Variants in CNTNAP2 observed in about 807,000 individuals in gnomAD.
The protein encoded by CNTNAP2 is contactin associated protein 2.
CNTNAP2 carries 98 observed loss-of-function variants against 155.2 expected under a neutral mutation model. The ratio of observed to expected loss-of-function variants is 0.63; its 90% CI spans 0.54 to 0.75. The LOEUF is 0.75. Ranked by LOEUF, CNTNAP2 falls within the 30% of genes least tolerant of loss-of-function variation. The pLI, the probability that CNTNAP2 is intolerant of heterozygous loss-of-function variation, is 0.00. For synonymous variants in CNTNAP2, 651 were observed against 631.2 expected (o/e 1.03, Z -0.47); for missense variants, 1,727 against 1,688.1 (o/e 1.02, Z -0.40).
intron 3 of CNTNAP2, among the ~76,000 whole-genome samples, chr7:147,019,144 T>C (rs904361897): frequency 6.6e-6 from 1 of 152,080 alleles, no homozygotes; most frequent in African/African-American, 2.4e-5. Flanking sequence ...TGTTGTCCAA[T>C]TGGAAATTCA....
chr7:146,888,764 A>G (rs1303812369), intron 3 of CNTNAP2, among the ~76,000 whole-genome samples: 1 of 152,154 alleles, frequency 6.6e-6, no homozygotes, highest in Non-Finnish European at 1.5e-5. Flanking sequence ...GACAAACACT[A>G]TATGATGTTA....
At chr7:148,109,052 A>G (rs138230665) in intron 15 of CNTNAP2, among the ~76,000 whole-genome samples, 1 of 152,218 alleles carries the variant, frequency 6.6e-6, no homozygotes, top group African/African-American at 2.4e-5. Context: ...CTTACTGTTC[A>G]CACATTGAAG....
chr7:147,347,484 ATATATATGCATATATATG>A (rs1344972679), intron 9 of CNTNAP2, among the ~76,000 whole-genome samples: 1 of 73,142 alleles, frequency 1.4e-5, no homozygotes, highest in Non-Finnish European at 3.5e-5. Flanking sequence ...ATGCATATAT[ATATATATGCATATATATG>A]TGTGTGTGTG....
chr7:148,162,841 AT>A (rs202106603), intron 17 of CNTNAP2, among the ~76,000 whole-genome samples: 11,893 of 151,916 alleles, frequency 0.078, 540 homozygotes, highest in East Asian at 0.23. Context: ...ACAAAAAAAA[AT>A]TTTTTTAATT....
At chr7:147,607,102 C>G (rs1047888148) in intron 12 of CNTNAP2, among the ~76,000 whole-genome samples, 2 of 152,136 alleles carry the variant, frequency 1.3e-5, no homozygotes, top group Admixed American at 1.3e-4. Flanking sequence ...AGTGATCTGT[C>G]GGACTGTGTT....
At chr7:148,102,468 C>G (rs1250751792) in intron 15 of CNTNAP2, among the ~76,000 whole-genome samples, 1 of 152,134 alleles carries the variant, frequency 6.6e-6, no homozygotes, top group African/African-American at 2.4e-5. Flanking sequence ...ACAAAGATTT[C>G]TACGCCTTTG....
At chr7:146,619,857 C>T (rs942419518) in intron 1 of CNTNAP2, among the ~76,000 whole-genome samples, 1 of 152,078 alleles carries the variant, frequency 6.6e-6, no homozygotes, top group Non-Finnish European at 1.5e-5. Context: ...TATTCGAATA[C>T]TATGTAGATG....
chr7:147,978,871 C>A (rs1801476142), intron 15 of CNTNAP2, among the ~76,000 whole-genome samples: 2 of 152,120 alleles, frequency 1.3e-5, no homozygotes, highest in South Asian at 4.1e-4. Flanking sequence ...GCAAACCCCT[C>A]CATTGTCTTA....
intron 13 of CNTNAP2, among the ~76,000 whole-genome samples, chr7:147,746,895 T>C (rs1797052773): frequency 6.6e-6 from 1 of 152,194 alleles, no homozygotes; most frequent in Non-Finnish European, 1.5e-5. Context: ...TTCTAGTTAA[T>C]GATGCCTTGG....
chr7:146,122,652 C>CCATT (rs10656546), intron 1 of CNTNAP2, among the ~76,000 whole-genome samples: 88,041 of 150,986 alleles, frequency 0.58, 25,657 homozygotes, highest in East Asian at 0.63. Flanking sequence ...CCAAACTCTC[C>CCATT]CATTCATTCA....
At chr7:147,967,121 TCTA>T (rs1801229437) in intron 14 of CNTNAP2, among the ~76,000 whole-genome samples, 1 of 152,162 alleles carries the variant, frequency 6.6e-6, no homozygotes, top group Non-Finnish European at 1.5e-5. Context: ...AAGCATTCCC[TCTA>T]CTAATCATGC....
At chr7:147,308,508 G>A (rs1376856681) in intron 9 of CNTNAP2, among the ~76,000 whole-genome samples, 2 of 152,144 alleles carry the variant, frequency 1.3e-5, no homozygotes, top group Non-Finnish European at 2.9e-5. Context: ...TTGCAGACAG[G>A]TGAGATATGG....
chr7:147,964,811 CCAATAGAGATGA>C (rs1333786283), intron 14 of CNTNAP2, among the ~76,000 whole-genome samples: 1 of 152,034 alleles, frequency 6.6e-6, no homozygotes, highest in Non-Finnish European at 1.5e-5. Context: ...AGTAAGTTTG[CCAATAGAGATGA>C]CCTTGTTTAT....
intron 8 of CNTNAP2, among the ~76,000 whole-genome samples, chr7:147,206,005 C>T (rs376760656): frequency 6.6e-6 from 1 of 151,816 alleles, no homozygotes; most frequent in South Asian, 2.1e-4. Context: ...TCACATTTAC[C>T]CCATAAATAT....
chr7:147,891,868 G>A (rs9655720), intron 13 of CNTNAP2, among the ~76,000 whole-genome samples: 34,037 of 151,926 alleles, frequency 0.22, 4,407 homozygotes, highest in Middle Eastern at 0.38. Context: ...TACAACAAAG[G>A]GAAGTTATAG....
intron 1 of CNTNAP2, among the ~76,000 whole-genome samples, chr7:146,581,797 A>C (rs1375045195): frequency 6.6e-6 from 1 of 152,150 alleles, no homozygotes; most frequent in Non-Finnish European, 1.5e-5. Context: ...TAAGGTACAG[A>C]GGAAATCATG....
chr7:146,898,255 C>T, intron 3 of CNTNAP2, among the ~76,000 whole-genome samples: 1 of 151,906 alleles, frequency 6.6e-6, no homozygotes, highest in East Asian at 1.9e-4. Context: ...ATAGAGATCA[C>T]CTGCTGTGAC....
At chr7:146,421,104 G>T (rs1796005671) in intron 1 of CNTNAP2, among the ~76,000 whole-genome samples, 1 of 152,008 alleles carries the variant, frequency 6.6e-6, no homozygotes. Context: ...GAGTACAACT[G>T]AGCTAAAAAT....
At chr7:147,732,086 G>A (rs1796749971) in intron 13 of CNTNAP2, among the ~76,000 whole-genome samples, 5 of 151,842 alleles carry the variant, frequency 3.3e-5, no homozygotes, top group Admixed American at 3.3e-4. Context: ...TGTGCACAGT[G>A]AGCAGGTTTG....
Sources: allele counts gnomAD v4.1 joint callset (sites outside exome capture counted in the v4.1 genomes callset), GRCh38; gene constraint gnomAD v4.1.1; transcripts MANE v1.5; gene names NCBI Gene and HGNC (gene_info 2026-07-23, HGNC 2026-07-21).